TATDN2: variants seen among roughly 807,000 people sequenced by gnomAD.
TATDN2 encodes 3'-5' RNA nuclease TATDN2.
In TATDN2, 44 loss-of-function variants were observed where a neutral mutation model predicts 60.3. The ratio of observed to expected loss-of-function variants is 0.73; its 90% CI spans 0.57 to 0.94. The LOEUF (loss-of-function observed/expected upper bound fraction) is 0.94. Among genes scored for constraint, TATDN2 ranks in the 40% least tolerant of loss-of-function variants. The probability of loss-of-function intolerance (pLI) is 0.00; values close to 1 mark genes in which losing one functional copy is unlikely to be tolerated. For missense variants in TATDN2, 997 were observed against 948.0 expected, an observed-to-expected ratio of 1.05 and a Z score of -0.68; for synonymous variants, 399 against 355.8, an observed-to-expected ratio of 1.12 and a Z score of -1.37.
chr3:10,272,345 C>T (rs1373735528), intron 4 of TATDN2, among the ~76,000 whole-genome samples: 1 of 152,134 alleles, frequency 6.6e-6, no homozygotes, highest in Non-Finnish European at 1.5e-5. Context: ...ACGATCTCAG[C>T]TCACTGCTAC....
chr3:10,274,665 A>G (rs1439340036), intron 4 of TATDN2, among the ~76,000 whole-genome samples: 1 of 152,190 alleles, frequency 6.6e-6, no homozygotes, highest in East Asian at 1.9e-4. Context: ...CCAGCCACCT[A>G]TTGATAGTGG....
intron 2 of TATDN2, among the ~76,000 whole-genome samples, chr3:10,249,949 T>C (rs1239921094): frequency 1.3e-5 from 2 of 152,156 alleles, no homozygotes; most frequent in African/African-American, 4.8e-5. Context: ...GCTCCCCAGG[T>C]TATTGTAAAC....
intron 3 of TATDN2, among the ~76,000 whole-genome samples, chr3:10,262,101 C>T (rs1180869599): frequency 6.6e-6 from 1 of 152,208 alleles, no homozygotes; most frequent in South Asian, 2.1e-4. Context: ...CCCCAAACTG[C>T]GAGAGCTGTA....
At position 10,260,122 on chromosome 3, in the gene TATDN2, T is replaced by G. The variant is rs1185457728; in HGVS notation, c.415-15T>G. On this transcript the variant is annotated splice_polypyrimidine_tract_variant and intron_variant, in intron 2 of 7. Coordinates refer to ENST00000448281, the MANE Select transcript of TATDN2 (RefSeq NM_014760.4). ...CCTTGGAACAGCCCTTTCAATTCTG[T>G]TTTTTTTTTCCCAGGTTGATTCCAA... 14 of 1,517,284 alleles carry G rather than the reference T, an allele frequency of 9.2e-6. No homozygotes were observed. Among genetic ancestry groups the G allele is most frequent in the Non-Finnish European group, 1.1e-5 (12 of 1,116,792 alleles). The allele number at this position is 1,517,284 out of a possible 1,614,324, so 94.0% of individuals were successfully genotyped here.
intron 2 of TATDN2, among the ~76,000 whole-genome samples, chr3:10,254,030 G>T (rs1698267709): frequency 6.6e-6 from 1 of 152,366 alleles, no homozygotes; most frequent in South Asian, 2.1e-4. Flanking sequence ...TCTGCAGGGT[G>T]AGTTAGCCCA....
intron 2 of TATDN2, among the ~76,000 whole-genome samples, chr3:10,258,359 C>A (rs776892021): frequency 6.6e-6 from 1 of 151,738 alleles, no homozygotes; most frequent in African/African-American, 2.4e-5. Flanking sequence ...CTTACTGCAT[C>A]CTCCGCCTCC....
Position 10,249,342 on chromosome 3 carries a change from G to A in TATDN2, c.142G>A (p.Gly48Arg). 6.2e-7 allele frequency: 1 copy of A among 1,612,244 alleles called. No homozygotes were observed. Among genetic ancestry groups the A allele is most frequent in the Non-Finnish European group, 8.5e-7 (1 of 1,178,802 alleles). ...TCAGAGGTCTGCGTCGCGTTCTGGA[G>A]GGCCCAGCAGCCCCAAGCGCCTGAA... ...PAQRSASRSGGPSSPKRLKAQ... is the reference protein window; with the variant it reads ...PAQRSASRSGRPSSPKRLKAQ... The change falls in exon 2 of 8, where the codon GGG (glycine) becomes AGG (arginine). Residue 48 changes from glycine (G) to arginine (R), a missense_variant. By Grantham distance (125) the Gly-to-Arg change is moderately radical (BLOSUM62 -2). Coordinates refer to ENST00000448281, the MANE Select transcript of TATDN2 (RefSeq NM_014760.4).
intron 3 of TATDN2, among the ~76,000 whole-genome samples, chr3:10,268,751 C>T (rs1698514569): frequency 6.6e-6 from 1 of 152,126 alleles, no homozygotes; most frequent in South Asian, 2.1e-4. Flanking sequence ...AAAATTAATT[C>T]AGCAGATATT....
At position 10,271,000 on chromosome 3, in the gene TATDN2, C is replaced by T. The variant is rs769271712; in HGVS notation, c.1818C>T (p.Val606=). 2 of 1,583,782 alleles carry T rather than the reference C, an allele frequency of 1.3e-6. No individual in the cohort carries two copies. The highest frequency in any genetic ancestry group is 2.3e-5 in the South Asian group (2 of 86,972). Residue 606 remains valine, a synonymous_variant, in exon 4 of 8, where the codon GTC becomes GTT. Coordinates refer to ENST00000448281, the MANE Select transcript of TATDN2 (RefSeq NM_014760.4). The part of the protein sequence containing the change: ...LDYSYKCTTP[V]PEQHKVFERQ... ...ACTCTTACAAGTGCACCACGCCTGT[C>T]CCAGAACAGCACAAGGTAACAAGGC...
At chr3:10,249,160 G>A in intron 1 of TATDN2, 35 bp from the exon 2 acceptor site, 5 of 1,485,280 alleles carry the variant, frequency 3.4e-6, no homozygotes, top group Non-Finnish European at 4.5e-6. Flanking sequence ...GCCAGGAAGG[G>A]TGGTGTTGGA....
Position 10,270,785 on chromosome 3 carries a change from T to TC in TATDN2, c.1604dup (p.Asp536Ter). The TC allele has an allele frequency of 6.2e-7, 1 of 1,614,238 alleles. No homozygotes were observed. Among genetic ancestry groups the TC allele is most frequent in the Non-Finnish European group, 8.5e-7 (1 of 1,180,046 alleles). On this transcript the variant is annotated frameshift_variant, in exon 4 of 8. Coordinates refer to ENST00000448281, the MANE Select transcript of TATDN2 (RefSeq NM_014760.4). LOFTEE classifies it high-confidence loss of function. Reference sequence around the variant, plus strand: ...CCCTAAGGAATTTCAGGGCTGCATCTCTGACTTCTGTGATCCCCGCACCCT... The same window carrying TC: ...CCCTAAGGAATTTCAGGGCTGCATCTCCTGACTTCTGTGATCCCCGCACCCT...
intron 4 of TATDN2, among the ~76,000 whole-genome samples, chr3:10,271,551 G>A (rs1216230306): frequency 2.6e-5 from 4 of 152,164 alleles, no homozygotes; most frequent in African/African-American, 9.6e-5. Flanking sequence ...TGATCCACCC[G>A]CCTTGGCCTC....
In TATDN2 at chr3:10,249,236, G is replaced by T. The variant is rs1234731784; in HGVS notation, c.36G>T (p.Trp12Cys). 8.4e-6 allele frequency: 13 copies of T among 1,553,038 alleles called. No homozygotes were observed. Among genetic ancestry groups the T allele is most frequent in the Non-Finnish European group, 1.0e-5 (12 of 1,147,622 alleles). ...AGCGGGGCAAGGTCAAGCACAACTG[G>T]AGCAGCACGTCGGAAGGGTGTCCCC... ...ASERGKVKHN[W>C]SSTSEGCPRK... Residue 12 changes from tryptophan (W) to cysteine (C), a missense_variant, in exon 2 of 8, where the codon TGG becomes TGT. Physicochemically the swap from Trp to Cys is radical, Grantham distance 215. Coordinates refer to ENST00000448281, the MANE Select transcript of TATDN2 (RefSeq NM_014760.4).
At position 10,249,578 on chromosome 3, in the gene TATDN2, A is replaced by T. The variant is rs971176411; in HGVS notation, c.378A>T (p.Glu126Asp). 3.2e-6 allele frequency: 5 copies of T among 1,542,296 alleles called. No individual in the cohort carries two copies. Among genetic ancestry groups the T allele is most frequent in the Non-Finnish European group, 3.5e-6 (4 of 1,146,818 alleles). ...PLRPANASLE[E>D]MASLEEEACS... The stretch of plus-strand genomic sequence containing the variant: ...GTCCTGCCAACGCCTCTTTGGAAGA[A>T]ATGGCTTCTCTAGAGGAGGAAGCCT... Residue 126 changes from glutamate to aspartate, a missense_variant, in exon 2 of 8, where the codon GAA (glutamate) becomes GAT (aspartate). By Grantham distance (45) the Glu-to-Asp change is conservative. Coordinates refer to ENST00000448281, the MANE Select transcript of TATDN2 (RefSeq NM_014760.4).
Position 10,249,366 on chromosome 3 carries a change from A to G in TATDN2, c.166A>G (p.Lys56Glu). The G allele has an allele frequency of 1.2e-6, 2 of 1,612,898 alleles. No homozygotes were observed. The highest frequency in any genetic ancestry group is 1.7e-6 in the Non-Finnish European group (2 of 1,179,274). ...AGGGCCCAGCAGCCCCAAGCGCCTG[A>G]AAGCCCAGAAGGAGGACGATGTGGC... is the stretch of plus-strand genomic sequence containing the variant. ...SGGPSSPKRL[K>E]AQKEDDVACS... is the part of the protein sequence containing the mutation. Residue 56 changes from lysine (K) to glutamate (E), a missense_variant, in exon 2 of 8, where the codon AAA (lysine) becomes GAA (glutamate). By Grantham distance (56) the Lys-to-Glu change is moderately conservative. Coordinates refer to ENST00000448281, the MANE Select transcript of TATDN2 (RefSeq NM_014760.4).
At chr3:10,272,284 A>T (rs1397277569) in intron 4 of TATDN2, among the ~76,000 whole-genome samples, 1 of 150,242 alleles carries the variant, frequency 6.7e-6, no homozygotes, top group Non-Finnish European at 1.5e-5. Context: ...AAAAATAAAA[A>T]TTTTTTTGAG....
chr3:10,252,816 A>G (rs1698251692), intron 2 of TATDN2, among the ~76,000 whole-genome samples: 1 of 147,992 alleles, frequency 6.8e-6, no homozygotes, highest in African/African-American at 2.5e-5. Flanking sequence ...CAGCCTCCCA[A>G]GTAGGTGGAA....
intron 2 of TATDN2, among the ~76,000 whole-genome samples, chr3:10,257,211 C>CA (rs1698320051): frequency 6.6e-6 from 1 of 150,974 alleles, no homozygotes; most frequent in African/African-American, 2.4e-5. Flanking sequence ...GCTTGAACCT[C>CA]AGAGGCGGAG....
Position 10,276,578 on chromosome 3 carries a change from T to C in TATDN2, c.1961+90T>C, listed in dbSNP as rs905476686. On this transcript the variant is annotated intron_variant, in intron 5 of 7. Transcript: ENST00000448281. ...CAGCAATGATCGTATTCTGTCATTATACACTATCTATTCTTTTTTTTTTTT... is the reference window on the plus strand; with the variant it reads ...CAGCAATGATCGTATTCTGTCATTACACACTATCTATTCTTTTTTTTTTTT... 1.2e-5 allele frequency: 18 copies of C among 1,504,628 alleles called. No homozygotes were observed. The African/African-American group carries it at 1.7e-4, about 14-fold the overall frequency. The allele number at this position is 1,504,628 out of a possible 1,614,324, so 93.2% of individuals were successfully genotyped here. A position where few individuals can be genotyped will look rare whatever the true frequency, so the allele number is the denominator to read the frequency against.
Sources: allele counts gnomAD v4.1 joint callset (sites outside exome capture counted in the v4.1 genomes callset), GRCh38; gene constraint gnomAD v4.1.1; transcripts MANE v1.5; gene names NCBI Gene and HGNC (gene_info 2026-07-23, HGNC 2026-07-21).